The following MYOF variants were observed in gnomAD, a reference collection of about 807,000 sequenced individuals.
The protein encoded by MYOF is fer-1-like 3, myoferlin.
A neutral mutation model predicts 284.2 loss-of-function variants in MYOF; 244 were observed. The ratio of observed to expected loss-of-function variants is 0.86; its 90% CI spans 0.77 to 0.95. The LOEUF is 0.95. Ranked by LOEUF, MYOF falls within the 40% of genes least tolerant of loss-of-function variation. The probability of loss-of-function intolerance (pLI) is 0.00; values close to 1 mark genes in which losing one functional copy is unlikely to be tolerated. For synonymous variants in MYOF, 904 were observed against 919.7 expected (o/e 0.98, Z 0.31); for missense variants, 2,496 against 2,560.6 (o/e 0.97, Z 0.54).
intron 3 of MYOF, among the ~76,000 whole-genome samples, chr10:93,443,274 CA>C (rs2056325679): frequency 6.6e-6 from 1 of 152,144 alleles, no homozygotes; most frequent in Non-Finnish European, 1.5e-5. Flanking sequence ...ATTAGGGAGG[CA>C]AAATCCTTCC....
At chr10:93,346,621 T>C (rs543664498) in intron 37 of MYOF, among the ~76,000 whole-genome samples, 1 of 152,246 alleles carries the variant, frequency 6.6e-6, no homozygotes, top group Non-Finnish European at 1.5e-5. Flanking sequence ...GCTCTATCAT[T>C]TACATATTAA....
At chr10:93,369,110 CTTTTTTT>C (rs66923086) in intron 25 of MYOF, among the ~76,000 whole-genome samples, 3 of 78,312 alleles carry the variant, frequency 3.8e-5, no homozygotes, top group South Asian at 5.7e-4. Context: ...ATTCAGACAG[CTTTTTTT>C]TTTTTTTTTT....
chr10:93,392,304 G>T (rs1443452405), intron 17 of MYOF, among the ~76,000 whole-genome samples: 1 of 152,082 alleles, frequency 6.6e-6, no homozygotes, highest in Non-Finnish European at 1.5e-5. Flanking sequence ...GGCGAATCAT[G>T]CTTATCTGAC....
intron 28 of MYOF, among the ~76,000 whole-genome samples, chr10:93,360,590 C>T (rs1490551532): frequency 6.6e-6 from 1 of 152,172 alleles, no homozygotes; most frequent in Non-Finnish European, 1.5e-5. Context: ...TGGGTCAATG[C>T]CAGTTCTATG....
At chr10:93,456,662 G>T (rs1239028178) in intron 2 of MYOF, among the ~76,000 whole-genome samples, 1 of 152,138 alleles carries the variant, frequency 6.6e-6, no homozygotes, top group Non-Finnish European at 1.5e-5. Context: ...GCCAGTCCAG[G>T]CTTCCCTTGC....
At chr10:93,418,323 C>T (rs914860538) in intron 5 of MYOF, among the ~76,000 whole-genome samples, 1 of 152,144 alleles carries the variant, frequency 6.6e-6, no homozygotes, top group African/African-American at 2.4e-5. Context: ...AACACATTTT[C>T]TTAGCTGGAA....
chr10:93,435,239 C>G (rs898848404), intron 3 of MYOF, among the ~76,000 whole-genome samples: 2 of 152,150 alleles, frequency 1.3e-5, no homozygotes, highest in African/African-American at 2.4e-5. Flanking sequence ...CATCAATAAA[C>G]AAATCTTAGA....
chr10:93,352,023 G>C (rs751624495), intron 32 of MYOF, among the ~76,000 whole-genome samples, 177 bp from the exon 33 acceptor site: 1 of 152,184 alleles, frequency 6.6e-6, no homozygotes, highest in Non-Finnish European at 1.5e-5. Context: ...TGGCACTGCA[G>C]CAGAGGCACC....
At chr10:93,475,235 T>C (rs1204931093) in intron 1 of MYOF, among the ~76,000 whole-genome samples, 1 of 152,172 alleles carries the variant, frequency 6.6e-6, no homozygotes, top group East Asian at 1.9e-4. Context: ...TCAGACCTGC[T>C]CAAAGCACAC....
chr10:93,410,990 C>T (rs1847877646), intron 5 of MYOF, among the ~76,000 whole-genome samples: 1 of 152,210 alleles, frequency 6.6e-6, no homozygotes, highest in East Asian at 1.9e-4. Flanking sequence ...TTCTTAATTT[C>T]TCTAAGCTTC....
At chr10:93,421,601 A>G (rs1314825287) in intron 5 of MYOF, among the ~76,000 whole-genome samples, 1 of 152,194 alleles carries the variant, frequency 6.6e-6, no homozygotes, top group Non-Finnish European at 1.5e-5. Context: ...GCTTCTCCGC[A>G]GTAATGAATG....
Position 93,329,688 on chromosome 10 carries a change from C to CAGTGGGACCCAA in MYOF, c.4946_4957dup (p.Phe1649_His1652dup). ...CACACAGTACTCCTCTGGTATGCCG[C>CAGTGGGACCCAA]AGTGGGACCCAAAGCGGGAAAGGAA... On this transcript the variant is annotated inframe_insertion, in exon 44 of 54. Coordinates refer to ENST00000359263, the MANE Select transcript of MYOF (RefSeq NM_013451.4). 6.2e-7 allele frequency: 1 copy of CAGTGGGACCCAA among 1,614,154 alleles called. No individual in the cohort carries two copies. Among genetic ancestry groups the CAGTGGGACCCAA allele is most frequent in the African/African-American group, 1.3e-5 (1 of 75,056 alleles).
At position 93,321,212 on chromosome 10, in the gene MYOF, G is replaced by A. The variant is rs150809898; in HGVS notation, c.5457-1199C>T. ...GCCCAGAACTGACAGAACTAAGTAG[G>A]ATTCCCAGGTCAGTCTGATTGCGAA... On this transcript the variant is annotated intron_variant, in intron 48 of 53. Coordinates refer to ENST00000359263, the MANE Select transcript of MYOF (RefSeq NM_013451.4). Among the ~76,000 whole-genome samples, 578 of 152,196 alleles carry A rather than the reference G, an allele frequency of 3.8e-3. 2 individuals are homozygous for A. Among genetic ancestry groups the A allele is most frequent in the African/African-American group, 0.013 (526 of 41,528 alleles).
intron 4 of MYOF, among the ~76,000 whole-genome samples, 158 bp from the exon 5 acceptor site, chr10:93,426,316 G>T (rs952110873): frequency 6.6e-6 from 1 of 152,124 alleles, no homozygotes; most frequent in Non-Finnish European, 1.5e-5. Context: ...ACACAAGCTC[G>T]ACTGTTCCTA....
intron 19 of MYOF, among the ~76,000 whole-genome samples, chr10:93,385,564 G>A (rs1846324370): frequency 6.6e-6 from 1 of 152,204 alleles, no homozygotes; most frequent in Non-Finnish European, 1.5e-5. Context: ...TCTGGCAGGT[G>A]CACAGATCTG....
chr10:93,366,483 C>T lies in MYOF; in HGVS notation c.2662G>A (p.Val888Ile). The change falls in exon 26 of 54, where the codon GTC becomes ATC. Residue 888 changes from valine (V) to isoleucine (I), a missense_variant. Coordinates refer to ENST00000359263, the MANE Select transcript of MYOF (RefSeq NM_013451.4). ...CTCTTGAGTTTTATTTTTCCTGTGA[C>T]ATCAGAAAACTTATGACGTCCTACT... is the stretch of plus-strand genomic sequence containing the variant. ...GLVGRHKFSDVTGKIKLKREF... is the reference protein window; with the variant it reads ...GLVGRHKFSDITGKIKLKREF... 1 of 1,613,910 alleles carries T rather than the reference C, an allele frequency of 6.2e-7. No individual in the cohort carries two copies. The highest frequency in any genetic ancestry group is 8.5e-7 in the Non-Finnish European group (1 of 1,179,940).
intron 29 of MYOF, among the ~76,000 whole-genome samples, chr10:93,358,369 A>T (rs1385367631): frequency 6.6e-6 from 1 of 152,206 alleles, no homozygotes; most frequent in East Asian, 1.9e-4. Context: ...AATTAGTTCC[A>T]CCATTGTGGA....
chr10:93,354,666 A>ACACTCTCTCTCTCTCT (rs1554844078), intron 31 of MYOF, among the ~76,000 whole-genome samples: 35 of 119,312 alleles, frequency 2.9e-4, no homozygotes, highest in South Asian at 2.3e-3. Context: ...TCACACATTC[A>ACACTCTCTCTCTCTCT]CTCTCTCTCT....
At chr10:93,360,974 C>T (rs766973594) in intron 28 of MYOF, among the ~76,000 whole-genome samples, 6 of 152,208 alleles carry the variant, frequency 3.9e-5, no homozygotes, top group Non-Finnish European at 5.9e-5. Context: ...CATACACTTG[C>T]CTTTCCCTTG....
Sources: allele counts gnomAD v4.1 joint callset (sites outside exome capture counted in the v4.1 genomes callset), GRCh38; gene constraint gnomAD v4.1.1; transcripts MANE v1.5; gene names NCBI Gene and HGNC (gene_info 2026-07-23, HGNC 2026-07-21).